The following USP50 variants were observed in gnomAD, a reference collection of about 807,000 sequenced individuals.
USP50 encodes the protein ubiquitin specific peptidase 50.
USP50 carries 37 observed loss-of-function variants against 39.2 expected under a neutral mutation model. The observed-to-expected ratio is 0.94, with a 90% CI of 0.73 to 1.24. USP50 has a LOEUF of 1.24. Among genes scored for constraint, USP50 ranks in the 50% most tolerant of loss-of-function variants. USP50 has a pLI of 0.00. For synonymous variants in USP50, 139 were observed against 144.5 expected (o/e 0.96, Z 0.27); for missense variants, 374 against 398.2 (o/e 0.94, Z 0.52).
At chr15:50,520,702 C>T (rs3098190) in intron 6 of USP50, among the ~76,000 whole-genome samples, 44,099 of 151,732 alleles carry the variant, frequency 0.29, 7,012 homozygotes, top group East Asian at 0.57. Context: ...AACTGAAGGT[C>T]GTCATGTTAA....
chr15:50,526,580 T>C (rs763389260), intron 6 of USP50, among the ~76,000 whole-genome samples: 2 of 152,240 alleles, frequency 1.3e-5, no homozygotes, highest in Non-Finnish European at 2.9e-5. Context: ...CTAATGCATA[T>C]GTACAAGCAT....
chr15:50,539,520 G>A (rs2053012539), intron 4 of USP50, among the ~76,000 whole-genome samples: 1 of 151,488 alleles, frequency 6.6e-6, no homozygotes, highest in Admixed American at 6.6e-5. Context: ...GGGTTCAAGC[G>A]ATTCTCCTGC....
downstream of USP50, chr15:50,500,547 T>C: frequency 2.1e-6 from 1 of 471,376 alleles, no homozygotes; most frequent in Non-Finnish European, 3.9e-6. Context: ...GGCATAAAAA[T>C]GTTAATGATG....
At chr15:50,497,722 G>C (rs1196729304), downstream of USP50, 1 of 152,106 alleles carries the variant, frequency 6.6e-6, no homozygotes, top group Non-Finnish European at 1.5e-5. Context: ...ATAATGACAA[G>C]AGTTATAAAA....
chr15:50,528,118 T>A (rs1346511563), intron 6 of USP50, among the ~76,000 whole-genome samples: 1 of 149,616 alleles, frequency 6.7e-6, no homozygotes, highest in East Asian at 2.0e-4. Flanking sequence ...TTGCCAGGGC[T>A]GCTAGCTTGA....
At chr15:50,497,326 C>A, downstream of USP50, 1 of 1,436,810 alleles carries the variant, frequency 7.0e-7, no homozygotes, top group South Asian at 1.5e-5. Context: ...CTGCCATGGG[C>A]ACATAACAAA....
chr15:50,497,083 TGCCAG>T, downstream of USP50: 1 of 1,586,398 alleles, frequency 6.3e-7, no homozygotes, highest in Admixed American at 1.9e-5. Context: ...TGTTTTTTTC[TGCCAG>T]GATTGCCTTA....
chr15:50,494,835 C>T, intron 1 of USP50, among the ~76,000 whole-genome samples: 1 of 151,938 alleles, frequency 6.6e-6, no homozygotes, highest in East Asian at 1.9e-4. Context: ...GCCAACATGG[C>T]AAAACCTCGT....
chr15:50,507,288 C>CA (rs2052676234), intron 6 of USP50: 1 of 152,232 alleles, frequency 6.6e-6, no homozygotes, highest in Admixed American at 6.6e-5. Flanking sequence ...GTCTCTAAAA[C>CA]AAAACAACAA....
chr15:50,537,846 A>G (rs7175532), intron 5 of USP50, among the ~76,000 whole-genome samples: 47,443 of 110,030 alleles, frequency 0.43, 10,478 homozygotes, highest in Admixed American at 0.5. Context: ...GTGACAAAGC[A>G]AGAGACTGAA....
chr15:50,534,544 T>C (rs2052965409), intron 5 of USP50, among the ~76,000 whole-genome samples: 1 of 152,190 alleles, frequency 6.6e-6, no homozygotes, highest in Non-Finnish European at 1.5e-5. Context: ...ATGGTCTATA[T>C]ACATTAATTA....
chr15:50,533,454 C>A (rs184377580), intron 5 of USP50, among the ~76,000 whole-genome samples: 124 of 151,630 alleles, frequency 8.2e-4, no homozygotes, highest in Middle Eastern at 3.4e-3. Context: ...GAAAAAAATC[C>A]TAAAAGAAGC....
chr15:50,537,729 G>A (rs548672878), intron 5 of USP50, among the ~76,000 whole-genome samples: 105 of 151,150 alleles, frequency 6.9e-4, no homozygotes, highest in South Asian at 3.6e-3. Context: ...GCGTGGTGGC[G>A]GGTGCCTGTA....
chr15:50,542,252 T>A (rs1463377467), intron 3 of USP50, among the ~76,000 whole-genome samples: 1 of 152,070 alleles, frequency 6.6e-6, no homozygotes, highest in Non-Finnish European at 1.5e-5. Flanking sequence ...TTTGGGGCTG[T>A]GCTCAGCATT....
chr15:50,498,697 A>G, downstream of USP50: 2 of 1,611,740 alleles, frequency 1.2e-6, no homozygotes, highest in South Asian at 1.1e-5. Context: ...CCAAAGAACA[A>G]TTTGAAGAAA....
intron 6 of USP50, among the ~76,000 whole-genome samples, chr15:50,525,266 G>C (rs2052879245): frequency 6.6e-6 from 1 of 152,100 alleles, no homozygotes; most frequent in Admixed American, 6.6e-5. Flanking sequence ...GGCTGGGGAG[G>C]GGAGTGAGGA....
intron 6 of USP50, among the ~76,000 whole-genome samples, chr15:50,525,542 A>ATG (rs2052882905): frequency 3.4e-5 from 4 of 118,234 alleles, no homozygotes; most frequent in African/African-American, 6.2e-5. Context: ...GTATATGTAT[A>ATG]TATGTATATA....
At chr15:50,494,362 C>G in intron 1 of USP50, 1 of 1,232,550 alleles carries the variant, frequency 8.1e-7, no homozygotes, top group Non-Finnish European at 1.1e-6. Context: ...GTTTAAAATT[C>G]TAGTTGGTGA....
intron 6 of USP50, among the ~76,000 whole-genome samples, chr15:50,526,083 G>C (rs1473692621): frequency 2.0e-5 from 3 of 152,084 alleles, no homozygotes; most frequent in African/African-American, 7.2e-5. Flanking sequence ...ATTTTAGGCA[G>C]GGTTTCTCTC....
Sources: allele counts gnomAD v4.1 joint callset (sites outside exome capture counted in the v4.1 genomes callset), GRCh38; gene constraint gnomAD v4.1.1; transcripts MANE v1.5; gene names NCBI Gene and HGNC (gene_info 2026-07-23, HGNC 2026-07-21).